The following ZNF676 variants were observed in gnomAD, a reference collection of about 807,000 sequenced individuals.
ZNF676 encodes the protein zinc finger protein 676.
In ZNF676, 4 loss-of-function variants were observed where a neutral mutation model predicts 6.0. The ratio of observed to expected loss-of-function variants is 0.67; its 90% CI spans 0.33 to 1.53. The LOEUF (loss-of-function observed/expected upper bound fraction) is 1.53, where lower values mean the gene tolerates loss of function less well. ZNF676 is among the 40% of genes most tolerant of loss of function. ZNF676 has a pLI of 0.06. For missense variants in ZNF676, 644 were observed against 679.7 expected (o/e 0.95, Z 0.58); for synonymous variants, 198 against 223.1 (o/e 0.89, Z 1.00).
the ZNF676 span, among the ~76,000 whole-genome samples, chr19:22,233,615 C>T: frequency 6.6e-6 from 1 of 152,250 alleles, no homozygotes; most frequent in African/African-American, 2.4e-5. Flanking sequence ...ACTTGCTACA[C>T]CTGTTCCCTG....
chr19:22,218,066 T>A (rs567369035), upstream of ZNF676, among the ~76,000 whole-genome samples: 1 of 152,296 alleles, frequency 6.6e-6, no homozygotes, highest in East Asian at 1.9e-4. Flanking sequence ...TGTATTTCCC[T>A]AATCATTAAT....
upstream of ZNF676, among the ~76,000 whole-genome samples, chr19:22,201,934 G>T (rs1318161677): frequency 7.2e-5 from 11 of 152,136 alleles, no homozygotes; most frequent in South Asian, 2.1e-4. Context: ...ACAGTTTCAA[G>T]AGATAAATAC....
the ZNF676 span, among the ~76,000 whole-genome samples, chr19:22,235,149 AAG>A: frequency 2.7e-3 from 403 of 150,010 alleles, 4 homozygotes; most frequent in African/African-American, 9.6e-3. Flanking sequence ...GGAAGGAAGG[AAG>A]GAAAGAAAGA....
chr19:22,234,906 C>A, the ZNF676 span, among the ~76,000 whole-genome samples: 1 of 148,408 alleles, frequency 6.7e-6, no homozygotes, highest in Non-Finnish European at 1.5e-5. Context: ...GCACTCTAGC[C>A]TGGATGACAA....
the ZNF676 span, among the ~76,000 whole-genome samples, chr19:22,237,208 G>A: frequency 6.6e-6 from 1 of 152,096 alleles, no homozygotes; most frequent in Non-Finnish European, 1.5e-5. Flanking sequence ...GGGGCATCAG[G>A]CATTTCCAGC....
rs769382326 is a variant in ZNF676, at chr19:22,181,544, C to T, written c.173G>A (p.Gly58Asp). The T allele has an allele frequency of 6.3e-7, 1 of 1,598,520 alleles. No homozygotes were observed. The highest frequency in any genetic ancestry group is 8.5e-7 in the Non-Finnish European group (1 of 1,174,154). The change falls in exon 3 of 3, where the codon GGC becomes GAC. Residue 58 changes from glycine (G) to aspartate (D), a missense_variant. Gly to Asp is a moderately conservative substitution (Grantham distance 94). Around this residue, in one of 5 missense-constraint regions of ZNF676, gnomAD observed 280 missense variants for 269.3 expected, o/e 1.04. Transcript: ENST00000397121. The part of the protein sequence containing the change: ...HFSQEFWPEQ[G>D]IEDSFQKMIL... ...CATTTTTTGGAAAGAATCTTCTATGCCTTGCTCTGGCCAAAACTCTTGGGA... is the reference window on the plus strand; with the variant it reads ...CATTTTTTGGAAAGAATCTTCTATGTCTTGCTCTGGCCAAAACTCTTGGGA...
intron 1 of ZNF676, among the ~76,000 whole-genome samples, chr19:22,202,684 AAGAC>A (rs1170322561): frequency 6.6e-6 from 1 of 152,218 alleles, no homozygotes. Flanking sequence ...CAAAGACAGA[AAGAC>A]AGTCACCATA....
At chr19:22,183,933 T>G in intron 2 of ZNF676, among the ~76,000 whole-genome samples, 1 of 152,212 alleles carries the variant, frequency 6.6e-6, no homozygotes, top group East Asian at 1.9e-4. Context: ...TATGTGTGTG[T>G]CTCACATTAG....
chr19:22,250,239 G>A, the ZNF676 span, among the ~76,000 whole-genome samples: 1 of 151,300 alleles, frequency 6.6e-6, no homozygotes, highest in Admixed American at 6.6e-5. Context: ...ATTCATACGT[G>A]AAATGTAGGC....
intron 2 of ZNF676, among the ~76,000 whole-genome samples, chr19:22,185,665 A>C (rs899220624): frequency 6.6e-6 from 1 of 152,210 alleles, no homozygotes; most frequent in African/African-American, 2.4e-5. Flanking sequence ...TAATGAGAAT[A>C]ATCAGTTTAG....
At position 22,180,063 on chromosome 19, in the gene ZNF676, T is replaced by C; in HGVS notation, c.1654A>G (p.Lys552Glu). The change falls in exon 3 of 3, where the codon AAG becomes GAG. Residue 552 changes from lysine to glutamate, a missense_variant. Coordinates refer to ENST00000397121, the MANE Select transcript of ZNF676 (RefSeq NM_001001411.3). The part of the protein sequence containing the change: ...FSRSSSLTRH[K>E]RIHTGEKPYK... ...GGTTTCTCTCCAGTATGAATTCTCTTGTGTCTAGTAAGGCTTGAGGATCTG... is the reference window on the plus strand; with the variant it reads ...GGTTTCTCTCCAGTATGAATTCTCTCGTGTCTAGTAAGGCTTGAGGATCTG... 6.2e-7 allele frequency: 1 copy of C among 1,613,896 alleles called. No homozygotes were observed. Among genetic ancestry groups the C allele is most frequent in the Non-Finnish European group, 8.5e-7 (1 of 1,179,850 alleles).
chr19:22,252,437 A>T, the ZNF676 span, among the ~76,000 whole-genome samples: 2 of 86,926 alleles, frequency 2.3e-5, no homozygotes, highest in Non-Finnish European at 5.3e-5. Flanking sequence ...GAAAGAAAAG[A>T]AAAAAAAAAA....
At chr19:22,226,047 A>G in the ZNF676 span, among the ~76,000 whole-genome samples, 2 of 152,004 alleles carry the variant, frequency 1.3e-5, no homozygotes, top group African/African-American at 2.4e-5. Flanking sequence ...TGTTTTTTTA[A>G]GACACTTATT....
the ZNF676 span, among the ~76,000 whole-genome samples, chr19:22,225,734 C>T: frequency 6.6e-6 from 1 of 151,870 alleles, no homozygotes; most frequent in Non-Finnish European, 1.5e-5. Context: ...ATGCTCTTCC[C>T]ATTTATGCTT....
chr19:22,179,558 C>A lies in ZNF676; in HGVS notation c.*392G>T. 4.6e-6 allele frequency: 2 copies of A among 436,564 alleles called. No individual in the cohort carries two copies. The highest frequency in any genetic ancestry group is 1.1e-4 in the East Asian group (2 of 17,766). 27.0% of individuals were successfully genotyped at this position (436,564 alleles called of 1,614,324 possible). ...AGGGTTTCCCTCCTGTATAAATTCCCTTATGTTCAGTAAGGGTTGAGAACT... is the reference window on the plus strand; with the variant it reads ...AGGGTTTCCCTCCTGTATAAATTCCATTATGTTCAGTAAGGGTTGAGAACT... On this transcript the variant is annotated 3_prime_UTR_variant, in exon 3 of 3. Coordinates refer to ENST00000397121, the MANE Select transcript of ZNF676 (RefSeq NM_001001411.3).
At chr19:22,204,159 G>A (rs1287234609) in intron 1 of ZNF676, among the ~76,000 whole-genome samples, 3 of 152,062 alleles carry the variant, frequency 2.0e-5, no homozygotes, top group Admixed American at 6.5e-5. Context: ...TAAAATATAT[G>A]ACACTAAAAT....
the ZNF676 span, chr19:22,244,931 A>G: frequency 6.6e-6 from 1 of 152,214 alleles, no homozygotes; most frequent in Non-Finnish European, 1.5e-5. Context: ...ATATGTCACA[A>G]TCCTCTTCTT....
chr19:22,245,960 G>A, the ZNF676 span, among the ~76,000 whole-genome samples: 3 of 152,082 alleles, frequency 2.0e-5, no homozygotes, highest in Non-Finnish European at 2.9e-5. Context: ...TAAGCCAAAA[G>A]GTTCCTTGTG....
the ZNF676 span, among the ~76,000 whole-genome samples, chr19:22,253,801 G>T: frequency 6.6e-6 from 1 of 152,202 alleles, no homozygotes; most frequent in East Asian, 1.9e-4. Context: ...AGTCTTAACA[G>T]TTGGTGGTAT....
Sources: gnomAD v4.1 joint callset for allele counts (sites outside exome capture counted in the v4.1 genomes callset) on GRCh38, gnomAD v4.1.1 for gene constraint, gnomAD v4.1.1 regional missense constraint, MANE v1.5 for transcripts, NCBI Gene and HGNC (gene_info 2026-07-23, HGNC 2026-07-21) for gene names.